DRD4: variants seen among roughly 807,000 people sequenced by gnomAD.
The protein encoded by DRD4 is D(4) dopamine receptor.
In DRD4, 26 loss-of-function variants were observed where a neutral mutation model predicts 22.1. That is an observed-to-expected ratio of 1.17 (90% confidence interval 0.86 to 1.63). The LOEUF is 1.63. Among genes scored for constraint, DRD4 ranks in the 40% most tolerant of loss-of-function variants. The pLI is 0.00. For missense variants in DRD4, 913 were observed against 632.4 expected (o/e 1.44, Z -4.76); for synonymous variants, 455 against 306.7 (o/e 1.48, Z -5.05).
rs2133247623 is a variant in DRD4 at position 637,533 on chromosome 11, G to A, written c.229G>A (p.Ala77Thr). 6.4e-7 allele frequency: 1 copy of A among 1,564,126 alleles called. No homozygotes were observed. Among genetic ancestry groups the A allele is most frequent in the Non-Finnish European group, 8.6e-7 (1 of 1,159,772 alleles). Residue 77 changes from alanine to threonine, a missense_variant, in exon 1 of 4, where the codon GCG becomes ACG. Ala to Thr is a moderately conservative substitution (Grantham distance 58). Coordinates refer to ENST00000176183, the MANE Select transcript of DRD4 (RefSeq NM_000797.4). ...TPTNSFIVSL[A>T]AADLLLALLV... ...CACCAACTCCTTCATCGTGAGCCTG[G>A]CGGCCGCCGACCTCCTCCTCGCTCT...
At chr11:639,352 G>A in intron 1 of DRD4, 81 bp from the exon 2 acceptor site, 1 of 1,334,714 alleles carries the variant, frequency 7.5e-7, no homozygotes, top group Non-Finnish European at 1.0e-6. Flanking sequence ...TTCAGCCCTG[G>A]AACTACCCAT....
intron 3 of DRD4, 35 bp from the exon 4 acceptor site, chr11:640,366 G>A (rs1479753692): frequency 2.5e-5 from 39 of 1,586,420 alleles, no homozygotes; most frequent in Non-Finnish European, 3.0e-5. Context: ...GGCCGGCTGG[G>A]CGGGGGGCGC....
rs763179251 is a variant in DRD4 at position 640,423 on chromosome 11, G to A, written c.1080G>A (p.Thr360=). 7.5e-6 allele frequency: 12 copies of A among 1,600,300 alleles called. No homozygotes were observed. Among genetic ancestry groups the A allele is most frequent in the Admixed American group, 6.7e-5 (4 of 59,980 alleles). The change falls in exon 4 of 4, where the codon ACG becomes ACA. Residue 360 remains threonine, a synonymous_variant. Coordinates refer to ENST00000176183, the MANE Select transcript of DRD4 (RefSeq NM_000797.4). ...CAGGGGCCTTCCTGCTGTGCTGGAC[G>A]CCCTTCTTCGTGGTGCACATCACGC... is the stretch of plus-strand genomic sequence containing the variant. The part of the protein sequence containing the change: ...VVVGAFLLCW[T]PFFVVHITQA...
At position 639,701 on chromosome 11, in the gene DRD4, GGCAGCTGCTGCTCATCGGCGCCAC is replaced by G. The variant is rs756930693; in HGVS notation, c.454_477del (p.Gln152_Thr159del). On this transcript the variant is annotated inframe_deletion, in exon 3 of 4. Coordinates refer to ENST00000176183, the MANE Select transcript of DRD4 (RefSeq NM_000797.4). ...TACAACCGGCAGGGTGGGAGCCGCC[GGCAGCTGCTGCTCATCGGCGCCAC>G]GTGGCTGCTGTCCGCGGCGGTGGCG... 7 of 1,484,550 alleles carry G rather than the reference GGCAGCTGCTGCTCATCGGCGCCAC, an allele frequency of 4.7e-6. No individual in the cohort carries two copies. In the South Asian group the frequency reaches 8.8e-5, roughly 19 times the overall value. The allele number at this position is 1,484,550 out of a possible 1,614,324, so 92.0% of individuals were successfully genotyped here. A position where few individuals can be genotyped will look rare whatever the true frequency, so the allele number is the denominator to read the frequency against.
chr11:638,478 C>G (rs1461969882), intron 1 of DRD4, among the ~76,000 whole-genome samples: 7 of 152,192 alleles, frequency 4.6e-5, no homozygotes, highest in Non-Finnish European at 1.0e-4. Flanking sequence ...GGGCTGCCTG[C>G]TCCTTTGCCC....
At chr11:639,267 G>C (rs954352301) in intron 1 of DRD4, 166 bp from the exon 2 acceptor site, 4 of 656,614 alleles carry the variant, frequency 6.1e-6, no homozygotes, top group Admixed American at 4.5e-5. Context: ...AACAAAGGGA[G>C]ATCTGCGTGG....
Position 640,681 on chromosome 11 carries a change from G to T in DRD4, c.*78G>T, listed in dbSNP as rs950184756. 2 of 1,521,780 alleles carry T rather than the reference G, an allele frequency of 1.3e-6. No homozygotes were observed. The highest frequency in any genetic ancestry group is 1.8e-6 in the Non-Finnish European group (2 of 1,116,700). 94.3% of individuals were successfully genotyped at this position (1,521,780 alleles called of 1,614,324 possible). The stretch of plus-strand genomic sequence containing the variant: ...GGAGATGGGGAGGGCGCTTTTGTAC[G>T]TTAATTAAACAAATTCCTTCCCAAA... On this transcript the variant is annotated 3_prime_UTR_variant, in exon 4 of 4. Coordinates refer to ENST00000176183, the MANE Select transcript of DRD4 (RefSeq NM_000797.4).
chr11:640,615 C>T lies in DRD4; in HGVS notation c.*12C>T. On this transcript the variant is annotated 3_prime_UTR_variant, in exon 4 of 4. Transcript: ENST00000176183. ...GTGCCTGCTGCTGAGCCGGGCACCC[C>T]CGGACGCCCCCCGGCCTGATGGCCA... The T allele has an allele frequency of 1.9e-6, 3 of 1,598,964 alleles. No individual in the cohort carries two copies. Among genetic ancestry groups the T allele is most frequent in the Non-Finnish European group, 2.5e-6 (3 of 1,179,744 alleles).
At chr11:639,300 G>C in intron 1 of DRD4, 133 bp from the exon 2 acceptor site, 1 of 815,180 alleles carries the variant, frequency 1.2e-6, no homozygotes, top group Non-Finnish European at 2.0e-6. Context: ...TCCCTGCCCG[G>C]TCCTCTGGCC....
At position 639,505 on chromosome 11, in the gene DRD4, A is replaced by C; in HGVS notation, c.358A>C (p.Thr120Pro). Residue 120 changes from threonine to proline, a missense_variant, in exon 2 of 4, where the codon ACC (threonine) becomes CCC (proline). Transcript: ENST00000176183. ...CATGGCCATGGACGTCATGCTGTGC[A>C]CCGCCTCCATCTTCAACCTGTGCGC... ...ALMAMDVMLC[T>P]ASIFNLCAIS... 6.2e-7 allele frequency: 1 copy of C among 1,603,092 alleles called. No individual in the cohort carries two copies.
At chr11:637,698 AGCTGGGGCGGCG>A in intron 1 of DRD4, 109 bp downstream of exon 1, 1 of 1,521,260 alleles carries the variant, frequency 6.6e-7, no homozygotes, top group Non-Finnish European at 8.8e-7. Flanking sequence ...CGGAGCTTCC[AGCTGGGGCGGCG>A]GCAGGGGCGC....
At chr11:638,067 C>T (rs959748776) in intron 1 of DRD4, among the ~76,000 whole-genome samples, 1 of 152,242 alleles carries the variant, frequency 6.6e-6, no homozygotes, top group Non-Finnish European at 1.5e-5. Flanking sequence ...CAGAAGGAGG[C>T]TCACAGCTCG....
chr11:638,455 G>T (rs1858119305), intron 1 of DRD4, among the ~76,000 whole-genome samples: 1 of 152,196 alleles, frequency 6.6e-6, no homozygotes, highest in African/African-American at 2.4e-5. Flanking sequence ...CAAATCGGCG[G>T]GAAGGATTAG....
chr11:639,648 G>A lies in DRD4; in HGVS notation c.399G>A (p.Arg133=). The A allele has an allele frequency of 1.4e-6, 2 of 1,454,748 alleles. No individual in the cohort carries two copies. Among genetic ancestry groups the A allele is most frequent in the Non-Finnish European group, 1.8e-6 (2 of 1,106,802 alleles). The allele number at this position is 1,454,748 out of a possible 1,614,324, so 90.1% of individuals were successfully genotyped here. The change falls in exon 3 of 4, where the codon AGG becomes AGA. Residue 133 remains arginine (R), a splice_region_variant and synonymous_variant. Transcript: ENST00000176183. ...GGCGCCCCCTCGGCGCTCCCCGCAG[G>A]TTCGTGGCCGTGGCCGTGCCGCTGC... ...IFNLCAISVD[R]FVAVAVPLRY...
intron 3 of DRD4, 43 bp downstream of exon 3, chr11:640,349 G>GGA (rs1554932215): frequency 1.3e-4 from 201 of 1,506,080 alleles, no homozygotes; most frequent in Non-Finnish European, 1.6e-4. Context: ...GGAGGGGGGG[G>GGA]GTACGAGGCC....
rs1446004674 is a variant in DRD4, at chr11:640,179, T to C, written c.930T>C (p.Cys310=). The change falls in exon 3 of 4, where the codon TGT becomes TGC. Residue 310 remains cysteine, a synonymous_variant. Coordinates refer to ENST00000176183, the MANE Select transcript of DRD4 (RefSeq NM_000797.4). ...GLPPDPCGSN[C]APPDAVRAAA... ...CCCCGGACCCCTGCGGCTCCAACTG[T>C]GCTCCCCCCGACGCCGTCAGAGCCG... 1.3e-6 allele frequency: 2 copies of C among 1,529,208 alleles called. No individual in the cohort carries two copies. Among genetic ancestry groups the C allele is most frequent in the Admixed American group, 2.0e-5 (1 of 50,800 alleles). The allele number at this position is 1,529,208 out of a possible 1,614,324, so 94.7% of individuals were successfully genotyped here.
chr11:639,799 G>C lies in DRD4; in HGVS notation c.550G>C (p.Val184Leu). ...LNDVRGRDPA[V>L]CRLEDRDYVV... ...CGACGTGCGCGGCCGCGACCCCGCC[G>C]TGTGCCGCCTGGAGGACCGCGACTA... The change falls in exon 3 of 4, where the codon GTG becomes CTG. Residue 184 changes from valine (V) to leucine (L), a missense_variant. Coordinates refer to ENST00000176183, the MANE Select transcript of DRD4 (RefSeq NM_000797.4). 1 of 1,581,130 alleles carries C rather than the reference G, an allele frequency of 6.3e-7. No homozygotes were observed. The highest frequency in any genetic ancestry group is 8.5e-7 in the Non-Finnish European group (1 of 1,171,852).
In DRD4 at chr11:637,376, GGGGGCATCTGC is replaced by G. The variant is rs869141319; in HGVS notation, c.78_88del (p.Ser27GlyfsTer419). 1 of 1,362,534 alleles carries G rather than the reference GGGGGCATCTGC, an allele frequency of 7.3e-7. No homozygotes were observed. The highest frequency in any genetic ancestry group is 9.4e-7 in the Non-Finnish European group (1 of 1,065,300). 84.4% of individuals were successfully genotyped at this position (1,362,534 alleles called of 1,614,324 possible). A position where few individuals can be genotyped will look rare whatever the true frequency, so the allele number is the denominator to read the frequency against. On this transcript the variant is annotated frameshift_variant, in exon 1 of 4. Transcript: ENST00000176183. LOFTEE classifies it high-confidence loss of function. ...GCGGGCCGGCCGCGGGGGCATCTGC[GGGGGCATCTGC>G]GGGGCTGGCTGGGCAGGGCGCGGCG...
rs1467887177 is a variant in DRD4, at chr11:637,298, G to A, written c.-7G>A. ...TCCGCGGTGCTCAGCGCCCGCCCGG[G>A]CGCGCCATGGGGAACCGCAGCACCG... On this transcript the variant is annotated 5_prime_UTR_variant, in exon 1 of 4. Coordinates refer to ENST00000176183, the MANE Select transcript of DRD4 (RefSeq NM_000797.4). 8.3e-7 allele frequency: 1 copy of A among 1,200,360 alleles called. No homozygotes were observed. The highest frequency in any genetic ancestry group is 1.6e-5 in the African/African-American group (1 of 62,498). The allele number at this position is 1,200,360 out of a possible 1,614,324, so 74.4% of individuals were successfully genotyped here.
Sources: gnomAD v4.1 joint callset for allele counts (sites outside exome capture counted in the v4.1 genomes callset) on GRCh38, gnomAD v4.1.1 for gene constraint, MANE v1.5 for transcripts, NCBI Gene and HGNC (gene_info 2026-07-23, HGNC 2026-07-21) for gene names.